CHST9: variants seen among roughly 807,000 people sequenced by gnomAD.
The protein encoded by CHST9 is GalNAc-4-sulfotransferase 2.
Under a neutral mutation model 44.4 loss-of-function variants are expected in CHST9, and 41 were observed. That is an observed-to-expected ratio of 0.92 (90% CI 0.72 to 1.20). The LOEUF is 1.20. Ranked by LOEUF, CHST9 falls within the 50% of genes most tolerant of loss-of-function variation. The pLI is 0.00. For missense variants in CHST9, 504 were observed against 516.5 expected (o/e 0.98, Z 0.23); for synonymous variants, 171 against 178.4 (o/e 0.96, Z 0.33).
chr18:27,178,556 C>T (rs890687854), intron 1 of CHST9, among the ~76,000 whole-genome samples: 1 of 151,940 alleles, frequency 6.6e-6, no homozygotes, highest in Non-Finnish European at 1.5e-5. Flanking sequence ...GAATTTCACT[C>T]TCAATTTCCT....
At chr18:27,133,524 G>A (rs1360146596) in intron 2 of CHST9, among the ~76,000 whole-genome samples, 1 of 152,160 alleles carries the variant, frequency 6.6e-6, no homozygotes, top group African/African-American at 2.4e-5. Flanking sequence ...ACATGGCAAG[G>A]TGAGGACTGA....
chr18:27,055,609 G>C (rs2057645639), intron 2 of CHST9, among the ~76,000 whole-genome samples: 1 of 151,996 alleles, frequency 6.6e-6, no homozygotes, highest in African/African-American at 2.4e-5. Context: ...ATGTGGAATT[G>C]GACAATAATA....
At chr18:27,019,033 G>A (rs77171578) in intron 4 of CHST9, among the ~76,000 whole-genome samples, 13 of 152,304 alleles carry the variant, frequency 8.5e-5, no homozygotes, top group East Asian at 7.7e-4. Flanking sequence ...CCTGAGCCAC[G>A]CCCTGTGCTG....
At chr18:27,102,257 T>TA (rs1220391107) in intron 2 of CHST9, among the ~76,000 whole-genome samples, 2 of 152,234 alleles carry the variant, frequency 1.3e-5, no homozygotes, top group Non-Finnish European at 2.9e-5. Flanking sequence ...AATTTATGGA[T>TA]ATCCTTGTTT....
rs578117618 is a variant in CHST9 at position 27,009,810 on chromosome 18, C to A, written c.202+14306G>T. 5.9e-5 allele frequency among the ~76,000 whole-genome samples: 9 copies of A among 152,280 alleles called. No homozygotes were observed. In the East Asian group the frequency reaches 1.5e-3, roughly 26 times the overall value. Reference sequence around the variant, plus strand: ...TTGGCATTATTGAACTGTGAAGAAGCCTTCCTCTCATCCACTTTATGACTT... The same window carrying A: ...TTGGCATTATTGAACTGTGAAGAAGACTTCCTCTCATCCACTTTATGACTT... On this transcript the variant is annotated intron_variant, in intron 4 of 5. Coordinates refer to ENST00000618847, the MANE Select transcript of CHST9 (RefSeq NM_031422.6).
intron 2 of CHST9, among the ~76,000 whole-genome samples, chr18:27,136,724 T>A (rs2058516077): frequency 6.6e-6 from 1 of 152,222 alleles, no homozygotes; most frequent in African/African-American, 2.4e-5. Context: ...AAAAGCTTTT[T>A]TAATACAGTT....
At chr18:26,945,427 A>G (rs2056148106) in intron 4 of CHST9, among the ~76,000 whole-genome samples, 1 of 152,082 alleles carries the variant, frequency 6.6e-6, no homozygotes, top group African/African-American at 2.4e-5. Flanking sequence ...CTCCACCTCC[A>G]TGCTTTCCCT....
At chr18:26,975,684 T>A (rs2145180126) in intron 4 of CHST9, among the ~76,000 whole-genome samples, 1 of 141,954 alleles carries the variant, frequency 7.0e-6, no homozygotes, top group Non-Finnish European at 1.5e-5. Context: ...TATGTATATA[T>A]GTGTGTGTAT....
chr18:26,935,011 C>A (rs1399321762), intron 5 of CHST9: 6 of 152,220 alleles, frequency 3.9e-5, no homozygotes, highest in Non-Finnish European at 8.8e-5. Flanking sequence ...TCTTTCACAT[C>A]CTGCATAGCA....
chr18:26,997,742 T>G (rs1382565875), intron 4 of CHST9, among the ~76,000 whole-genome samples: 1 of 152,178 alleles, frequency 6.6e-6, no homozygotes, highest in African/African-American at 2.4e-5. Context: ...CATAACCACT[T>G]TACTATACTA....
intron 2 of CHST9, among the ~76,000 whole-genome samples, chr18:27,061,272 TG>T (rs1490365244): frequency 6.6e-6 from 1 of 152,204 alleles, no homozygotes; most frequent in African/African-American, 2.4e-5. Flanking sequence ...TTAACCTTTT[TG>T]GGTATAAGTT....
chr18:27,152,103 C>T (rs1446916872), intron 1 of CHST9, among the ~76,000 whole-genome samples: 6 of 152,126 alleles, frequency 3.9e-5, no homozygotes, highest in Non-Finnish European at 8.8e-5. Context: ...TTTTGTCATA[C>T]AGAACACAGA....
intron 5 of CHST9, among the ~76,000 whole-genome samples, chr18:26,920,996 C>T (rs569792960): frequency 9.1e-4 from 139 of 152,278 alleles, no homozygotes; most frequent in African/African-American, 3.2e-3. Context: ...AGGCCCCTGA[C>T]TTTAATTTCA....
intron 2 of CHST9, among the ~76,000 whole-genome samples, chr18:27,087,281 A>T (rs886976015): frequency 6.6e-6 from 1 of 152,172 alleles, no homozygotes; most frequent in African/African-American, 2.4e-5. Context: ...AAAATAATTT[A>T]AAAGGTGTCA....
intron 2 of CHST9, among the ~76,000 whole-genome samples, chr18:27,053,313 AAGGAGAAGG>A: frequency 8.0e-6 from 1 of 124,998 alleles, no homozygotes; most frequent in Non-Finnish European, 1.7e-5. Flanking sequence ...GGAGAAGGAG[AAGGAGAAGG>A]AGAAGATTTC....
intron 2 of CHST9, among the ~76,000 whole-genome samples, chr18:27,097,126 AT>A: frequency 6.6e-6 from 1 of 152,126 alleles, no homozygotes; most frequent in Non-Finnish European, 1.5e-5. Flanking sequence ...TTCAATATAC[AT>A]CAAATAAATG....
chr18:27,060,304 T>G (rs890406140), intron 2 of CHST9, among the ~76,000 whole-genome samples: 1 of 152,090 alleles, frequency 6.6e-6, no homozygotes, highest in Non-Finnish European at 1.5e-5. Context: ...AATAGAGACA[T>G]GGAGGAAGAG....
At chr18:27,146,349 A>G (rs1302115747) in intron 1 of CHST9, among the ~76,000 whole-genome samples, 2 of 152,138 alleles carry the variant, frequency 1.3e-5, no homozygotes, top group East Asian at 3.8e-4. Context: ...AAATGGAGAG[A>G]TATGTTTGAT....
Position 26,909,627 on chromosome 18 carries a change from T to G in CHST9, c.*6632A>C, listed in dbSNP as rs920457068. ...ACATCCAAAAATCATTTTTCTAAACTTTGGAAATATTTTCAGCAAATGAAT... is the reference window on the plus strand; with the variant it reads ...ACATCCAAAAATCATTTTTCTAAACGTTGGAAATATTTTCAGCAAATGAAT... On this transcript the variant is annotated 3_prime_UTR_variant, in exon 6 of 6. Transcript: ENST00000618847. The G allele has an allele frequency of 6.6e-6, 1 of 152,222 alleles. No homozygotes were observed. The highest frequency in any genetic ancestry group is 2.4e-5 in the African/African-American group (1 of 41,470). The allele number at this position is 152,222 out of a possible 1,614,324, so 9.4% of individuals were successfully genotyped here.
Sources: gnomAD v4.1 joint callset for allele counts (sites outside exome capture counted in the v4.1 genomes callset) on GRCh38, gnomAD v4.1.1 for gene constraint, MANE v1.5 for transcripts, NCBI Gene and HGNC (gene_info 2026-07-23, HGNC 2026-07-21) for gene names.